Variants in LOC400499 observed in about 807,000 individuals in gnomAD.
chr16:11,390,772 C>T, the LOC400499 span, among the ~76,000 whole-genome samples: 5 of 152,208 alleles, frequency 3.3e-5, no homozygotes, highest in Middle Eastern at 3.4e-3. Context: ...TGGTTTATGC[C>T]GGACCCCTGC....
At chr16:11,452,201 G>GTTTTTTTT in the LOC400499 span, among the ~76,000 whole-genome samples, 19 of 77,158 alleles carry the variant, frequency 2.5e-4, 1 homozygote, top group African/African-American at 3.4e-4. Context: ...CAGTTTTTTT[G>GTTTTTTTT]TTTGTTTTTT....
At chr16:11,483,882 G>A in the LOC400499 span, among the ~76,000 whole-genome samples, 88 of 151,448 alleles carry the variant, frequency 5.8e-4, no homozygotes, top group African/African-American at 2.0e-3. Flanking sequence ...CAAAAAAAAG[G>A]ACATGCTGTG....
At chr16:11,501,942 T>C in the LOC400499 span, 1 of 394,096 alleles carries the variant, frequency 2.5e-6, no homozygotes, top group Non-Finnish European at 4.5e-6. Context: ...GAAGGACAAG[T>C]CAGTGTCAAG....
At chr16:11,384,779 G>A in the LOC400499 span, 1 of 1,001,320 alleles carries the variant, frequency 1.0e-6, no homozygotes, top group Non-Finnish European at 1.3e-6. Flanking sequence ...GACGAGGCCG[G>A]CAGAGGCTCT....
chr16:11,400,984 GATCA>G, the LOC400499 span, among the ~76,000 whole-genome samples: 1 of 152,280 alleles, frequency 6.6e-6, no homozygotes, highest in East Asian at 1.9e-4. Context: ...AACTATAAAT[GATCA>G]ATCAGAGACG....
At chr16:11,501,107 G>A in the LOC400499 span, 1 of 332,740 alleles carries the variant, frequency 3.0e-6, no homozygotes, top group African/African-American at 3.2e-5. Context: ...GGCTGACCCG[G>A]GTCTGGGACC....
the LOC400499 span, chr16:11,449,119 T>G: frequency 6.9e-7 from 1 of 1,441,802 alleles, no homozygotes; most frequent in Non-Finnish European, 9.3e-7. Context: ...TGCAATGAGG[T>G]GAGGAGGGGG....
the LOC400499 span, among the ~76,000 whole-genome samples, chr16:11,505,470 T>TTTTTTTTTTTTTTTTTC: frequency 8.9e-6 from 1 of 112,592 alleles, no homozygotes; most frequent in Non-Finnish European, 1.8e-5. Flanking sequence ...TTTTTTTTTT[T>TTTTTTTTTTTTTTTTTC]TGGAGAAGAG....
chr16:11,462,077 G>A, the LOC400499 span: 4 of 1,417,660 alleles, frequency 2.8e-6, no homozygotes, highest in Non-Finnish European at 3.7e-6. Flanking sequence ...CCCTAACCTG[G>A]CCACAGAGCA....
chr16:11,380,194 A>G, the LOC400499 span, among the ~76,000 whole-genome samples: 1 of 152,178 alleles, frequency 6.6e-6, no homozygotes, highest in Non-Finnish European at 1.5e-5. Context: ...AGATGAATGA[A>G]AATTACAATA....
the LOC400499 span, chr16:11,459,763 A>T: frequency 7.6e-6 from 7 of 922,214 alleles, no homozygotes; most frequent in African/African-American, 1.0e-4. Context: ...TGCAAAAGGG[A>T]AAGTCACCAA....
the LOC400499 span, among the ~76,000 whole-genome samples, chr16:11,504,523 T>A: frequency 9.9e-5 from 15 of 151,958 alleles, no homozygotes; most frequent in South Asian, 3.1e-3. Context: ...CACTGCACTT[T>A]CCAGCCTGAG....
At chr16:11,477,670 C>G in the LOC400499 span, among the ~76,000 whole-genome samples, 2 of 152,240 alleles carry the variant, frequency 1.3e-5, no homozygotes, top group Non-Finnish European at 2.9e-5. Context: ...GATCTAACCA[C>G]CCAGCATCTC....
At chr16:11,466,184 C>T in the LOC400499 span, among the ~76,000 whole-genome samples, 1 of 151,968 alleles carries the variant, frequency 6.6e-6, no homozygotes, top group Admixed American at 6.6e-5. Context: ...TAGATCATCT[C>T]AGAAAGGAAT....
chr16:11,490,164 G>A, the LOC400499 span, among the ~76,000 whole-genome samples: 1 of 152,114 alleles, frequency 6.6e-6, no homozygotes, highest in South Asian at 2.1e-4. Context: ...GGGAGGCTGA[G>A]GTGGATGGAT....
the LOC400499 span, among the ~76,000 whole-genome samples, chr16:11,509,327 C>T: frequency 6.6e-6 from 1 of 150,852 alleles, no homozygotes; most frequent in East Asian, 2.0e-4. Flanking sequence ...ACCATGTTAG[C>T]CAGGATGGTC....
At chr16:11,472,136 C>A in the LOC400499 span, 23 of 247,212 alleles carry the variant, frequency 9.3e-5, no homozygotes, top group Non-Finnish European at 1.6e-4. Context: ...GCACATATTA[C>A]CAAATGTCTC....
chr16:11,492,447 T>A, the LOC400499 span, among the ~76,000 whole-genome samples: 11 of 152,130 alleles, frequency 7.2e-5, no homozygotes, highest in South Asian at 2.3e-3. Context: ...GGTATCCTAG[T>A]GCAGGGAGAC....
the LOC400499 span, among the ~76,000 whole-genome samples, chr16:11,465,037 C>G: frequency 6.6e-6 from 1 of 152,188 alleles, no homozygotes; most frequent in African/African-American, 2.4e-5. Context: ...ACATCCAGCT[C>G]CGGCTTCAGA....
Sources: allele counts gnomAD v4.1 joint callset (sites outside exome capture counted in the v4.1 genomes callset), GRCh38; gene constraint gnomAD v4.1.1; transcripts MANE v1.5.